Variants in MYH16 observed in about 807,000 individuals in gnomAD.
MYH16 encodes the protein putative uncharacterized protein MYH16.
rs147793082 is a variant in MYH16, at chr7:99,261,598, G to A, written n.1720G>A. ...CAAGGGGGGCAAGAGCAAGGGGCCC[G>A]AGGTCCACTTCGAGCTGGTTCACTA... is the stretch of plus-strand genomic sequence containing the variant. On this transcript the variant is annotated non_coding_transcript_exon_variant, in exon 13 of 42. Transcript: ENST00000439784. The A allele has an allele frequency of 6.8e-3, 1,043 of 154,180 alleles. 13 individuals are homozygous for A. Among genetic ancestry groups the A allele is most frequent in the African/African-American group, 0.024 (987 of 41,578 alleles). 9.6% of individuals were successfully genotyped at this position (154,180 alleles called of 1,614,324 possible). A position where few individuals can be genotyped will look rare whatever the true frequency, so the allele number is the denominator to read the frequency against.
intron 34 of MYH16, among the ~76,000 whole-genome samples, chr7:99,297,149 T>G (rs1792511736): frequency 6.6e-6 from 1 of 152,038 alleles, no homozygotes. Context: ...AATGAGGAAA[T>G]AGCCGGGTGT....
At chr7:99,239,438 A>G (rs1353278328) in intron 1 of MYH16, among the ~76,000 whole-genome samples, 1 of 152,212 alleles carries the variant, frequency 6.6e-6, no homozygotes, top group Admixed American at 6.5e-5. Context: ...CATGAGGGCC[A>G]TGAGAGAGGG....
intron 30 of MYH16, among the ~76,000 whole-genome samples, chr7:99,290,647 A>G (rs1792358455): frequency 6.6e-6 from 1 of 151,728 alleles, no homozygotes; most frequent in East Asian, 1.9e-4. Flanking sequence ...TAAAAATACA[A>G]AAAAAATTAG....
At chr7:99,247,782 G>A (rs75958338) in intron 3 of MYH16, 2,723 of 155,332 alleles carry the variant, frequency 0.018, 42 homozygotes, top group South Asian at 0.026. Context: ...TGGGGCAGGG[G>A]TGGCGGGAGA....
At chr7:99,253,822 G>A (rs1791839914) in exon 8 of MYH16, 1 of 198,184 alleles carries the variant, frequency 5.0e-6, no homozygotes, top group Non-Finnish European at 1.1e-5. Flanking sequence ...GCCTGAACTT[G>A]TTGGTAAAGA....
At chr7:99,258,857 T>C (rs1373997559) in intron 11 of MYH16, among the ~76,000 whole-genome samples, 2 of 151,634 alleles carry the variant, frequency 1.3e-5, no homozygotes, top group Non-Finnish European at 2.9e-5. Flanking sequence ...ATTTTCAAAC[T>C]GCTATAAAAA....
chr7:99,245,328 G>A (rs909256508), intron 2 of MYH16, among the ~76,000 whole-genome samples: 11 of 152,186 alleles, frequency 7.2e-5, no homozygotes, highest in Admixed American at 5.2e-4. Flanking sequence ...GGTGGATAGG[G>A]AGCAGTTATT....
rs557985002 is a variant in MYH16, at chr7:99,251,193, G to T, written n.729+7G>T. 3.2e-4 allele frequency: 68 copies of T among 212,684 alleles called. 1 individual carries two copies. The highest frequency in any genetic ancestry group is 5.3e-4 in the Non-Finnish European group (52 of 98,614). 13.2% of individuals were successfully genotyped at this position (212,684 alleles called of 1,614,324 possible). On this transcript the variant is annotated splice_region_variant and intron_variant and non_coding_transcript_variant, in intron 6 of 41. Transcript: ENST00000439784. ...CAACAACTCCTCTCGCTTCGTAAGT[G>T]TGGGGACCACATGAGAGGCCCCCTG...
intron 20 of MYH16, 93 bp downstream of exon 2, chr7:99,273,516 G>C: frequency 2.3e-6 from 1 of 433,278 alleles, no homozygotes; most frequent in South Asian, 1.6e-5. Flanking sequence ...TCGGGAGTGA[G>C]AGGCTGCAAG....
At chr7:99,274,819 A>G (rs1792090178) in intron 20 of MYH16, among the ~76,000 whole-genome samples, 1 of 151,590 alleles carries the variant, frequency 6.6e-6, no homozygotes, top group South Asian at 2.1e-4. Flanking sequence ...GATTACATGC[A>G]TCTGCCACCC....
intron 8 of MYH16, among the ~76,000 whole-genome samples, chr7:99,254,962 C>T (rs1791853946): frequency 6.6e-6 from 1 of 152,084 alleles, no homozygotes; most frequent in Admixed American, 6.6e-5. Context: ...TAGCAAGACC[C>T]TGTCTCTACA....
intron 20 of MYH16, among the ~76,000 whole-genome samples, chr7:99,276,784 A>T (rs544608588): frequency 6.6e-6 from 1 of 152,222 alleles, no homozygotes; most frequent in African/African-American, 2.4e-5. Flanking sequence ...AGTGAGAGAG[A>T]GAGAGGGAGA....
chr7:99,290,368 T>A (rs906599677), intron 30 of MYH16, among the ~76,000 whole-genome samples: 5 of 150,512 alleles, frequency 3.3e-5, no homozygotes, highest in African/African-American at 1.2e-4. Context: ...ACACTGGTGG[T>A]CCCAGCTACT....
intron 21 of MYH16, among the ~76,000 whole-genome samples, chr7:99,278,596 G>A (rs1165746383): frequency 6.6e-6 from 1 of 152,084 alleles, no homozygotes; most frequent in Non-Finnish European, 1.5e-5. Context: ...CGATTTTCAC[G>A]TGCATCGTAC....
chr7:99,281,434 C>T (rs1372048639), intron 23 of MYH16, among the ~76,000 whole-genome samples: 5 of 151,968 alleles, frequency 3.3e-5, no homozygotes, highest in African/African-American at 7.3e-5. Flanking sequence ...TGGTGGCACG[C>T]GCCTGTAGTC....
intron 20 of MYH16, 76 bp downstream of exon 2, chr7:99,273,499 A>G (rs1792072416): frequency 8.9e-6 from 4 of 450,096 alleles, no homozygotes; most frequent in South Asian, 4.7e-5. Context: ...CTGGACAGAG[A>G]TGCCCCTCGG....
chr7:99,293,724 C>G (rs908436451), intron 32 of MYH16, among the ~76,000 whole-genome samples: 2 of 152,204 alleles, frequency 1.3e-5, no homozygotes, highest in African/African-American at 4.8e-5. Flanking sequence ...CCTCCCAGCT[C>G]CAGAACAAAC....
chr7:99,291,626 C>CG (rs71108438), intron 31 of MYH16, among the ~76,000 whole-genome samples, 176 bp downstream of exon 12: 41 of 115,594 alleles, frequency 3.5e-4, no homozygotes, highest in South Asian at 7.0e-4. Context: ...GACCCCCCCC[C>CG]ACCCCCCCCA....
chr7:99,277,399 C>T (rs766416170), intron 20 of MYH16, 140 bp from the exon 3 acceptor site: 14 of 341,500 alleles, frequency 4.1e-5, no homozygotes, highest in African/African-American at 3.0e-4. Flanking sequence ...AGGGACCCCA[C>T]CCGCAGAGCT....
Sources: allele counts gnomAD v4.1 joint callset (sites outside exome capture counted in the v4.1 genomes callset), GRCh38; gene constraint gnomAD v4.1.1; transcripts MANE v1.5; gene names NCBI Gene and HGNC (gene_info 2026-07-23, HGNC 2026-07-21).